Variants in PM20D2 observed in about 807,000 individuals in gnomAD.
PM20D2 encodes peptidase M20 domain containing 2.
In PM20D2, 33 loss-of-function variants were observed where a neutral mutation model predicts 42.9. The ratio of observed to expected loss-of-function variants is 0.77; its 90% CI spans 0.58 to 1.03. The LOEUF (loss-of-function observed/expected upper bound fraction) is 1.03, where lower values mean the gene tolerates loss of function less well. Ranked by LOEUF, PM20D2 falls within the 50% of genes least tolerant of loss-of-function variation. The probability of loss-of-function intolerance (pLI) is 0.00; values close to 1 mark genes in which losing one functional copy is unlikely to be tolerated. For synonymous variants in PM20D2, 250 were observed against 228.2 expected (o/e 1.10, Z -0.86); for missense variants, 548 against 557.0 (o/e 0.98, Z 0.16).
At chr6:89,140,599 A>G in the PM20D2 span, among the ~76,000 whole-genome samples, 8 of 152,222 alleles carry the variant, frequency 5.3e-5, no homozygotes, top group East Asian at 5.8e-4. Flanking sequence ...TTCCTAAGCC[A>G]TAACGGTAGG....
the PM20D2 span, among the ~76,000 whole-genome samples, chr6:89,133,564 TCTCATC>T: frequency 1.1e-4 from 17 of 151,240 alleles, 1 homozygote; most frequent in African/African-American, 4.2e-4. Context: ...CTGCTATATT[TCTCATC>T]CTCCCTTGCC....
chr6:89,130,428 A>C, the PM20D2 span, among the ~76,000 whole-genome samples: 8,315 of 152,068 alleles, frequency 0.055, 684 homozygotes, highest in African/African-American at 0.18. Flanking sequence ...TAAAACATAC[A>C]TACTGTGAAA....
the PM20D2 span, among the ~76,000 whole-genome samples, chr6:89,114,289 A>G: frequency 2.6e-5 from 4 of 152,130 alleles, no homozygotes; most frequent in Non-Finnish European, 5.9e-5. Flanking sequence ...TTAGCCAGGC[A>G]TGGTGGCACA....
the PM20D2 span, chr6:89,097,379 A>G: frequency 6.6e-6 from 1 of 152,368 alleles, no homozygotes; most frequent in East Asian, 1.9e-4. Flanking sequence ...ACATTTTCAA[A>G]GAAATTATTA....
chr6:89,141,268 A>C (rs1185033005), upstream of PM20D2, among the ~76,000 whole-genome samples: 6 of 152,148 alleles, frequency 3.9e-5, no homozygotes, highest in Non-Finnish European at 7.4e-5. Context: ...TTCTTCACCT[A>C]AACAGACATT....
the PM20D2 span, among the ~76,000 whole-genome samples, chr6:89,099,401 T>TATATATATA: frequency 4.8e-3 from 626 of 130,356 alleles, 9 homozygotes; most frequent in African/African-American, 0.018. Context: ...TCTCTCTCTC[T>TATATATATA]CCATATATAT....
At chr6:89,115,055 C>T in the PM20D2 span, among the ~76,000 whole-genome samples, 3 of 151,962 alleles carry the variant, frequency 2.0e-5, no homozygotes, top group Non-Finnish European at 4.4e-5. Context: ...CTCGGCCTCC[C>T]AAAGTGCTGG....
At chr6:89,151,935 A>T (rs1034764409) in intron 2 of PM20D2, among the ~76,000 whole-genome samples, 2 of 151,990 alleles carry the variant, frequency 1.3e-5, no homozygotes, top group African/African-American at 4.8e-5. Flanking sequence ...AAAAAAAAAT[A>T]AAAAATTAAC....
Position 89,164,763 on chromosome 6 carries a change from A to G in PM20D2, c.*2500A>G, listed in dbSNP as rs1771354071. On this transcript the variant is annotated 3_prime_UTR_variant, in exon 7 of 7. Coordinates refer to ENST00000275072, the MANE Select transcript of PM20D2 (RefSeq NM_001010853.3). ...GGTAGGGAATAAAAGAGTTTAAGAT[A>G]TTATGTAAAATTATGTGTATTTTCT... is the stretch of plus-strand genomic sequence containing the variant. 1 of 152,306 alleles carries G rather than the reference A, an allele frequency of 6.6e-6. No homozygotes were observed. The highest frequency in any genetic ancestry group is 1.5e-5 in the Non-Finnish European group (1 of 67,930). The allele number at this position is 152,306 out of a possible 1,614,324, so 9.4% of individuals were successfully genotyped here.
chr6:89,105,523 C>T, the PM20D2 span: 1 of 1,601,278 alleles, frequency 6.2e-7, no homozygotes, highest in Non-Finnish European at 8.5e-7. Flanking sequence ...TCTCGAACAT[C>T]TTCAAATATG....
chr6:89,132,317 C>A, the PM20D2 span, among the ~76,000 whole-genome samples: 15 of 146,952 alleles, frequency 1.0e-4, 2 homozygotes, highest in Admixed American at 4.0e-4. Flanking sequence ...TCCTGTGCTG[C>A]CAAGCCACAT....
the PM20D2 span, among the ~76,000 whole-genome samples, chr6:89,116,742 T>C: frequency 6.7e-6 from 1 of 148,404 alleles, no homozygotes; most frequent in African/African-American, 2.5e-5. Flanking sequence ...GCCATTGTAC[T>C]CCAGCCTGGG....
chr6:89,128,840 A>G, the PM20D2 span, among the ~76,000 whole-genome samples: 111,164 of 151,980 alleles, frequency 0.73, 40,758 homozygotes, highest in East Asian at 0.8. Flanking sequence ...ATTGGGGGCG[A>G]GTTCCTCCAA....
chr6:89,095,278 T>A, the PM20D2 span, among the ~76,000 whole-genome samples: 1 of 152,226 alleles, frequency 6.6e-6, no homozygotes, highest in Non-Finnish European at 1.5e-5. Flanking sequence ...CAGGCTTGAG[T>A]ATAGTGACAC....
the PM20D2 span, among the ~76,000 whole-genome samples, chr6:89,134,334 T>C: frequency 7.9e-5 from 12 of 151,122 alleles, 1 homozygote; most frequent in Admixed American, 3.9e-4. Flanking sequence ...AGAATTCAGC[T>C]TCCTTCGGCC....
the PM20D2 span, chr6:89,096,981 TA>T: frequency 6.6e-6 from 1 of 152,232 alleles, no homozygotes; most frequent in Non-Finnish European, 1.5e-5. Context: ...AGTTTTGAAA[TA>T]AATTTTGCTA....
rs140686408 is a variant in PM20D2, at chr6:89,154,782, C to T, written c.792C>T (p.Ile264=). Residue 264 remains isoleucine, a synonymous_variant, in exon 4 of 7, where the codon ATC becomes ATT. Transcript: ENST00000275072. ...AAAATGGTGGTGTAAAACCCAATAT[C>T]ATTCCCTCTTATTCTGAATTAATCT... ...IIKNGGVKPN[I]IPSYSELIYY... is the part of the protein sequence containing the mutation. 2.8e-5 allele frequency: 44 copies of T among 1,574,274 alleles called. No homozygotes were observed. Among genetic ancestry groups the T allele is most frequent in the Non-Finnish European group, 3.6e-5 (42 of 1,160,968 alleles).
rs543295537 is a variant in PM20D2 at position 89,154,816 on chromosome 6, C to T, written c.826C>T (p.Arg276Cys). 2.5e-5 allele frequency: 41 copies of T among 1,608,450 alleles called. No homozygotes were observed. The highest frequency in any genetic ancestry group is 2.5e-4 in the East Asian group (11 of 44,554). Reference protein sequence around the residue: ...PSYSELIYYFRAPSMKELQVL... With the variant: ...PSYSELIYYFCAPSMKELQVL... ...TTATTCTGAATTAATCTATTACTTC[C>T]GTGCACCCTCAATGAAAGAACTTCA... The change falls in exon 4 of 7, where the codon CGT becomes TGT. Residue 276 changes from arginine to cysteine, a missense_variant. Transcript: ENST00000275072.
At chr6:89,102,460 C>T in the PM20D2 span, among the ~76,000 whole-genome samples, 1 of 152,014 alleles carries the variant, frequency 6.6e-6, no homozygotes, top group East Asian at 1.9e-4. Flanking sequence ...TATATTTATA[C>T]TGAAAATACA....
Sources: gnomAD v4.1 joint callset for allele counts (sites outside exome capture counted in the v4.1 genomes callset) on GRCh38, gnomAD v4.1.1 for gene constraint, MANE v1.5 for transcripts, NCBI Gene and HGNC (gene_info 2026-07-23, HGNC 2026-07-21) for gene names.